The following LMAN1 variants were observed in gnomAD, a reference collection of about 807,000 sequenced individuals.
The protein encoded by LMAN1 is protein ERGIC-53.
Under a neutral mutation model 67.8 loss-of-function variants are expected in LMAN1, and 32 were observed. The observed-to-expected ratio is 0.47, with a 90% CI of 0.36 to 0.63. The LOEUF (loss-of-function observed/expected upper bound fraction) is 0.63. Ranked by LOEUF, LMAN1 falls within the 30% of genes least tolerant of loss-of-function variation. The probability of loss-of-function intolerance (pLI) is 0.00; values close to 1 mark genes in which losing one functional copy is unlikely to be tolerated. For missense variants in LMAN1, 632 were observed against 628.2 expected (o/e 1.01, Z -0.06); for synonymous variants, 235 against 219.3 (o/e 1.07, Z -0.63).
intron 8 of LMAN1, among the ~76,000 whole-genome samples, chr18:59,341,382 AATAACT>A (rs1568114359): frequency 6.6e-6 from 1 of 152,188 alleles, no homozygotes; most frequent in African/African-American, 2.4e-5. Flanking sequence ...AACTTTCTAC[AATAACT>A]ATGGAATATA....
chr18:59,357,843 T>C (rs751027855), intron 1 of LMAN1, among the ~76,000 whole-genome samples: 2 of 151,462 alleles, frequency 1.3e-5, no homozygotes, highest in Non-Finnish European at 2.9e-5. Context: ...GTGGGAGGGA[T>C]AGCATTAGGA....
At chr18:59,334,866 A>G (rs747467668) in intron 10 of LMAN1, among the ~76,000 whole-genome samples, 47 of 152,132 alleles carry the variant, frequency 3.1e-4, no homozygotes, top group Non-Finnish European at 3.2e-4. Context: ...GCTAAATCCT[A>G]AAGAAAAAGT....
At chr18:59,333,885 T>G (rs529735519) in intron 10 of LMAN1, among the ~76,000 whole-genome samples, 1 of 151,404 alleles carries the variant, frequency 6.6e-6, no homozygotes, top group Non-Finnish European at 1.5e-5. Context: ...TACTTAAAAA[T>G]AACACTATAT....
At chr18:59,334,979 C>T (rs1330451929) in intron 10 of LMAN1, among the ~76,000 whole-genome samples, 1 of 152,034 alleles carries the variant, frequency 6.6e-6, no homozygotes, top group Admixed American at 6.5e-5. Flanking sequence ...ATTGTTAACT[C>T]CTCTAAGAAA....
At chr18:59,347,630 G>C in intron 6 of LMAN1, 59 bp from the exon 7 acceptor site, 1 of 1,104,602 alleles carries the variant, frequency 9.1e-7, no homozygotes, top group South Asian at 1.4e-5. Flanking sequence ...TTTTATCATT[G>C]TAAATGTATT....
At chr18:59,349,929 C>G (rs1908503978) in intron 5 of LMAN1, among the ~76,000 whole-genome samples, 1 of 152,200 alleles carries the variant, frequency 6.6e-6, no homozygotes, top group Non-Finnish European at 1.5e-5. Context: ...CAATACATTT[C>G]ATTTCTAATA....
At position 59,328,706 on chromosome 18, in the gene LMAN1, TG is replaced by T. The variant is rs1568110769; in HGVS notation, c.*2386del. The T allele has an allele frequency of 6.6e-6, 1 of 152,052 alleles. No individual in the cohort carries two copies. Among genetic ancestry groups the T allele is most frequent in the Non-Finnish European group, 1.5e-5 (1 of 68,016 alleles). The allele number at this position is 152,052 out of a possible 1,614,324, so 9.4% of individuals were successfully genotyped here. ...TCAGGTTGTCTGAAACCAGGCGCCA[TG>T]ACCCAGATGGTCCATGGATCATACT... On this transcript the variant is annotated 3_prime_UTR_variant, in exon 13 of 13. Transcript: ENST00000251047.
Position 59,355,658 on chromosome 18 carries a change from T to C in LMAN1, c.215A>G (p.Asn72Ser). The C allele has an allele frequency of 6.2e-7, 1 of 1,613,552 alleles. No individual in the cohort carries two copies. The highest frequency in any genetic ancestry group is 8.5e-7 in the Non-Finnish European group (1 of 1,179,860). The change falls in exon 2 of 13, where the codon AAT (asparagine) becomes AGT (serine). Residue 72 changes from asparagine (N) to serine (S), a missense_variant and splice_region_variant. Transcript: ENST00000251047. ...AATTTGATCTGAACTTGGAATAGCA[T>C]CTAGAACAGAAATCAGGGGAAAAAA... The part of the protein sequence containing the change: ...GTVPFWAHAG[N>S]AIPSSDQIRV...
Position 59,354,509 on chromosome 18 carries a change from A to C in LMAN1, c.539+10T>G, listed in dbSNP as rs1484610711. On this transcript the variant is annotated intron_variant, in intron 4 of 12. Transcript: ENST00000251047. ...TGAAATCAGGAGTAATGTAAAAAAC[A>C]CACACTTACTTTTGATGGTCATAAT... The C allele has an allele frequency of 2.8e-6, 4 of 1,409,776 alleles. No individual in the cohort carries two copies. Among genetic ancestry groups the C allele is most frequent in the Middle Eastern group, 3.5e-4 (2 of 5,692 alleles). The allele number at this position is 1,409,776 out of a possible 1,614,324, so 87.3% of individuals were successfully genotyped here.
chr18:59,341,843 T>C (rs537552953), intron 8 of LMAN1, among the ~76,000 whole-genome samples: 1 of 152,042 alleles, frequency 6.6e-6, no homozygotes, highest in East Asian at 1.9e-4. Context: ...AGAGCAAAGC[T>C]AAATGAAATA....
chr18:59,358,999 A>C (rs766910676), intron 1 of LMAN1, 32 bp downstream of exon 1: 2 of 1,603,330 alleles, frequency 1.2e-6, no homozygotes, highest in Non-Finnish European at 1.7e-6. Flanking sequence ...GGGGGAGAGG[A>C]ACCCGGCCCC....
rs745801786 is a variant in LMAN1 at position 59,354,476 on chromosome 18, AAAG to A, written c.539+40_539+42del. ...ACAATGTATTTCATAAGGATTCCAA[AAAG>A]AAGCTGAAATCAGGAGTAATGTAAA... is the stretch of plus-strand genomic sequence containing the variant. On this transcript the variant is annotated intron_variant, in intron 4 of 12. Coordinates refer to ENST00000251047, the MANE Select transcript of LMAN1 (RefSeq NM_005570.4). The A allele has an allele frequency of 1.2e-5, 13 of 1,094,594 alleles. No individual in the cohort carries two copies. The African/African-American group carries it at 2.0e-4, about 17-fold the overall frequency. The allele number at this position is 1,094,594 out of a possible 1,614,324, so 67.8% of individuals were successfully genotyped here. A position where few individuals can be genotyped will look rare whatever the true frequency, so the allele number is the denominator to read the frequency against.
At chr18:59,338,648 G>C (rs758334911) in intron 9 of LMAN1, 21 bp from the exon 10 acceptor site, 1 of 1,610,730 alleles carries the variant, frequency 6.2e-7, no homozygotes, top group Non-Finnish European at 8.5e-7. Context: ...AAACAATGAC[G>C]AGCAAGCTGA....
chr18:59,338,502 A>C, intron 10 of LMAN1, 55 bp downstream of exon 10: 1 of 1,456,352 alleles, frequency 6.9e-7, no homozygotes, highest in Admixed American at 1.7e-5. Flanking sequence ...CTGAAGTCAC[A>C]AATTTAGGAT....
Position 59,331,144 on chromosome 18 carries a change from A to G in LMAN1, c.1497-15T>C. 6.2e-7 allele frequency: 1 copy of G among 1,608,660 alleles called. No individual in the cohort carries two copies. Among genetic ancestry groups the G allele is most frequent in the Non-Finnish European group, 8.5e-7 (1 of 1,176,188 alleles). On this transcript the variant is annotated splice_polypyrimidine_tract_variant and intron_variant, in intron 12 of 12. Transcript: ENST00000251047. ...CTTGCTGAGACCTAATGAAAAAAAG[A>G]AACAAACACTTAAAGAAGTTCTATA...
rs201844530 is a variant in LMAN1 at position 59,333,176 on chromosome 18, T to C, written c.1289A>G (p.Tyr430Cys). 1.7e-5 allele frequency: 27 copies of C among 1,613,746 alleles called. No individual in the cohort carries two copies. Among genetic ancestry groups the C allele is most frequent in the East Asian group, 2.2e-5 (1 of 44,874 alleles). The change falls in exon 11 of 13, where the codon TAT becomes TGT. Residue 430 changes from tyrosine (Y) to cysteine (C), a missense_variant. Physicochemically the swap from Tyr to Cys is radical, Grantham distance 194. Transcript: ENST00000251047. ...MQHPGSAGGVYETTQHFIDIK... is the reference protein window; with the variant it reads ...MQHPGSAGGVCETTQHFIDIK... Reference sequence around the variant, plus strand: ...GTCAATGAAGTGCTGTGTTGTCTCATAGACGCCTCCAGCAGAGCCAGGGTG... The same window carrying C: ...GTCAATGAAGTGCTGTGTTGTCTCACAGACGCCTCCAGCAGAGCCAGGGTG...
Position 59,329,272 on chromosome 18 carries a change from C to T in LMAN1, c.*1821G>A, listed in dbSNP as rs1463108979. ...TAGTAAGAATAATCAGAATGATTCC[C>T]CTTGAATTTCAGCCTGAAAAATGTA... On this transcript the variant is annotated 3_prime_UTR_variant, in exon 13 of 13. Transcript: ENST00000251047. 1 of 152,074 alleles carries T rather than the reference C, an allele frequency of 6.6e-6. No homozygotes were observed. The allele number at this position is 152,074 out of a possible 1,614,324, so 9.4% of individuals were successfully genotyped here.
chr18:59,347,652 T>C (rs1908449614), intron 6 of LMAN1, 81 bp from the exon 7 acceptor site: 2 of 1,040,410 alleles, frequency 1.9e-6, no homozygotes, highest in South Asian at 1.5e-5. Context: ...TATCAATATT[T>C]ATTGTTTTAA....
intron 10 of LMAN1, among the ~76,000 whole-genome samples, chr18:59,337,421 T>C (rs1352462134): frequency 6.6e-6 from 1 of 152,036 alleles, no homozygotes; most frequent in African/African-American, 2.4e-5. Context: ...AACTGATAAA[T>C]TTTGAATAGG....
Sources: allele counts gnomAD v4.1 joint callset (sites outside exome capture counted in the v4.1 genomes callset), GRCh38; gene constraint gnomAD v4.1.1; transcripts MANE v1.5; gene names NCBI Gene and HGNC (gene_info 2026-07-23, HGNC 2026-07-21).